WDR27: variants seen among roughly 807,000 people sequenced by gnomAD.
WDR27 encodes the protein WD repeat-containing protein 27.
In WDR27, 100 loss-of-function variants were observed where a neutral mutation model predicts 114.4. The observed-to-expected ratio is 0.87, with a 90% CI of 0.74 to 1.03. The LOEUF (loss-of-function observed/expected upper bound fraction) is 1.03, where lower values mean the gene tolerates loss of function less well. Ranked by LOEUF, WDR27 falls within the 50% of genes least tolerant of loss-of-function variation. The probability of loss-of-function intolerance (pLI) is 0.00; values close to 1 mark genes in which losing one functional copy is unlikely to be tolerated. For synonymous variants in WDR27, 449 were observed against 423.1 expected (o/e 1.06, Z -0.75); for missense variants, 1,129 against 1,092.9 (o/e 1.03, Z -0.47).
At chr6:169,459,746 T>C (rs1199855205) in intron 25 of WDR27, among the ~76,000 whole-genome samples, 1 of 152,060 alleles carries the variant, frequency 6.6e-6, no homozygotes, top group Non-Finnish European at 1.5e-5. Context: ...TATCAGCAGA[T>C]TTCTCATAAT....
At chr6:169,593,240 G>A (rs1405981588) in intron 23 of WDR27, among the ~76,000 whole-genome samples, 1 of 152,156 alleles carries the variant, frequency 6.6e-6, no homozygotes, top group Non-Finnish European at 1.5e-5. Flanking sequence ...AATCCCCTGA[G>A]AAAGCACATG....
chr6:169,453,753 A>G (rs923780932), downstream of WDR27, among the ~76,000 whole-genome samples: 1 of 152,188 alleles, frequency 6.6e-6, no homozygotes, highest in Non-Finnish European at 1.5e-5. Context: ...AAAAGTCCAA[A>G]TACGTTACTG....
intron 25 of WDR27, among the ~76,000 whole-genome samples, chr6:169,481,693 G>A (rs1430765040): frequency 6.6e-6 from 1 of 152,098 alleles, no homozygotes; most frequent in Non-Finnish European, 1.5e-5. Flanking sequence ...TGAAGCCAGT[G>A]AAACCACGAA....
intron 25 of WDR27, among the ~76,000 whole-genome samples, chr6:169,552,600 GT>G (rs1271557926): frequency 6.6e-6 from 1 of 152,196 alleles, no homozygotes; most frequent in Non-Finnish European, 1.5e-5. Context: ...CCAGAAAGAG[GT>G]AAAGGCAAGA....
chr6:169,671,848 C>G (rs1396265006), intron 3 of WDR27: 1 of 155,848 alleles, frequency 6.4e-6, no homozygotes, highest in Non-Finnish European at 1.4e-5. Context: ...GATTTGGGAC[C>G]AAGCCCTTCC....
At chr6:169,667,333 T>A in intron 5 of WDR27, 146 bp from the exon 6 acceptor site, 2 of 1,238,152 alleles carry the variant, frequency 1.6e-6, no homozygotes, top group Non-Finnish European at 1.0e-6. Context: ...ACAAAAATAA[T>A]AAAAATGTAG....
At chr6:169,484,484 C>A (rs960140269) in intron 25 of WDR27, among the ~76,000 whole-genome samples, 2 of 152,072 alleles carry the variant, frequency 1.3e-5, no homozygotes, top group African/African-American at 4.8e-5. Context: ...AAGACATCTA[C>A]AATGAGAATT....
chr6:169,627,315 T>C (rs1415429291), intron 21 of WDR27, among the ~76,000 whole-genome samples: 13 of 152,348 alleles, frequency 8.5e-5, no homozygotes, highest in African/African-American at 3.1e-4. Context: ...TCCTATATCT[T>C]CGTTCTCCAA....
intron 1 of WDR27, among the ~76,000 whole-genome samples, chr6:169,700,296 T>C (rs987544579): frequency 6.6e-6 from 1 of 152,212 alleles, no homozygotes; most frequent in African/African-American, 2.4e-5. Flanking sequence ...ACTAGGCACC[T>C]TGACAAAGTG....
intron 1 of WDR27, among the ~76,000 whole-genome samples, chr6:169,699,441 G>T (rs962429851): frequency 1.3e-5 from 2 of 152,134 alleles, no homozygotes; most frequent in African/African-American, 4.8e-5. Flanking sequence ...AACGACAATG[G>T]CATCACCAGC....
intron 6 of WDR27, chr6:169,666,873 GAC>G: frequency 1.0e-6 from 1 of 985,448 alleles, no homozygotes; most frequent in Non-Finnish European, 1.2e-6. Flanking sequence ...CATTTTATCT[GAC>G]AGCAAACGTG....
chr6:169,534,095 T>G (rs1250229954), intron 25 of WDR27, among the ~76,000 whole-genome samples: 1 of 152,194 alleles, frequency 6.6e-6, no homozygotes, highest in African/African-American at 2.4e-5. Context: ...TGCTAAGTGT[T>G]TGTATCACGG....
chr6:169,664,520 T>C (rs1056600428), intron 7 of WDR27: 2 of 1,389,074 alleles, frequency 1.4e-6, no homozygotes, highest in South Asian at 1.5e-5. Context: ...TCAGGGCACA[T>C]GGGCAGGATC....
intron 17 of WDR27, 111 bp from the exon 18 acceptor site, chr6:169,638,771 G>C (rs1268014399): frequency 7.4e-7 from 1 of 1,352,124 alleles, no homozygotes; most frequent in African/African-American, 1.4e-5. Flanking sequence ...CATTTTTCAA[G>C]TAATTAGGGG....
chr6:169,473,357 A>G (rs1405848606), intron 25 of WDR27, among the ~76,000 whole-genome samples: 2 of 152,206 alleles, frequency 1.3e-5, no homozygotes, highest in African/African-American at 4.8e-5. Context: ...GTGGAACTCA[A>G]TGAACTAGTG....
intron 25 of WDR27, among the ~76,000 whole-genome samples, chr6:169,465,440 T>C (rs1394170976): frequency 6.6e-6 from 1 of 152,146 alleles, no homozygotes; most frequent in Non-Finnish European, 1.5e-5. Flanking sequence ...TTGTTCATTG[T>C]TGGTGGGAAT....
chr6:169,481,841 G>A (rs1788183406), intron 25 of WDR27, among the ~76,000 whole-genome samples: 1 of 152,180 alleles, frequency 6.6e-6, no homozygotes, highest in African/African-American at 2.4e-5. Context: ...CCACCAGAAG[G>A]AAGAAACTCC....
At chr6:169,588,127 C>T (rs911607020) in intron 23 of WDR27, among the ~76,000 whole-genome samples, 2 of 152,148 alleles carry the variant, frequency 1.3e-5, no homozygotes, top group East Asian at 1.9e-4. Flanking sequence ...CATGCAGAGG[C>T]GATGAGCATC....
chr6:169,542,957 G>A (rs1797011467), intron 25 of WDR27, among the ~76,000 whole-genome samples: 1 of 151,914 alleles, frequency 6.6e-6, no homozygotes, highest in Non-Finnish European at 1.5e-5. Flanking sequence ...CGTATCTTTT[G>A]TACTATGGCT....
Sources: gnomAD v4.1 joint callset for allele counts (sites outside exome capture counted in the v4.1 genomes callset) on GRCh38, gnomAD v4.1.1 for gene constraint, MANE v1.5 for transcripts, NCBI Gene and HGNC (gene_info 2026-07-23, HGNC 2026-07-21) for gene names.